Variants in KCTD20 observed in about 807,000 individuals in gnomAD.
The protein encoded by KCTD20 is potassium channel tetramerization domain containing 20, also known as BTB/POZ domain-containing protein KCTD20.
Under a neutral mutation model 39.6 loss-of-function variants are expected in KCTD20, and 30 were observed. That is an observed-to-expected ratio of 0.76 (90% CI 0.57 to 1.03). The LOEUF (loss-of-function observed/expected upper bound fraction) is 1.03. Among genes scored for constraint, KCTD20 ranks in the 50% least tolerant of loss-of-function variants. KCTD20 has a pLI of 0.00. For missense variants in KCTD20, 422 were observed against 522.0 expected, an observed-to-expected ratio of 0.81 and a Z score of 1.87; for synonymous variants, 162 against 180.6, an observed-to-expected ratio of 0.90 and a Z score of 0.83.
Position 36,470,103 on chromosome 6 carries a change from T to C in KCTD20, c.6T>C (p.Asn2=). 1.2e-6 allele frequency: 2 copies of C among 1,612,562 alleles called. No homozygotes were observed. The highest frequency in any genetic ancestry group is 1.7e-6 in the Non-Finnish European group (2 of 1,178,990). M[N]VHRGSDSDRL... is the part of the protein sequence containing the mutation. ...TCAGGACTCAGAATCTAAGGATGAA[T>C]GTTCACCGTGGCAGTGACAGTGACA... The change falls in exon 2 of 8, where the codon AAT becomes AAC. Residue 2 remains asparagine, a synonymous_variant. Transcript: ENST00000373731.
chr6:36,474,859 C>CTGT lies in KCTD20; in HGVS notation c.231_232insTGT (p.Asp77_Ile78insCys). On this transcript the variant is annotated inframe_insertion, in exon 3 of 8. Coordinates refer to ENST00000373731, the MANE Select transcript of KCTD20 (RefSeq NM_173562.5). Reference sequence around the variant, plus strand: ...CTCACATAATGCCCCTTGCTGAAGACATCAAAGGTTCTTGCTTCCAAAGTG... The same window carrying CTGT: ...CTCACATAATGCCCCTTGCTGAAGACTGTATCAAAGGTTCTTGCTTCCAAAGTG... 6.2e-7 allele frequency: 1 copy of CTGT among 1,614,170 alleles called. No individual in the cohort carries two copies. Among genetic ancestry groups the CTGT allele is most frequent in the Non-Finnish European group, 8.5e-7 (1 of 1,180,008 alleles).
At position 36,456,008 on chromosome 6, in the gene KCTD20, C is replaced by T. The variant is rs192458150; in HGVS notation, c.-47+12897C>T. On this transcript the variant is annotated intron_variant, in intron 1 of 7. Transcript: ENST00000373731. Reference sequence around the variant, plus strand: ...CCATCACATCTTCTCTGTAGGAATTCACTTCTTGAGTCTTGGCCACTTCAC... The same window carrying T: ...CCATCACATCTTCTCTGTAGGAATTTACTTCTTGAGTCTTGGCCACTTCAC... Among the ~76,000 whole-genome samples the T allele has an allele frequency of 3.1e-3, 479 of 152,340 alleles. 2 individuals are homozygous for T. The highest frequency in any genetic ancestry group is 0.011 in the African/African-American group (437 of 41,566).
intron 1 of KCTD20, among the ~76,000 whole-genome samples, chr6:36,459,385 A>G (rs1775537632): frequency 6.6e-6 from 1 of 152,266 alleles, no homozygotes; most frequent in Non-Finnish European, 1.5e-5. Flanking sequence ...ACTATATACC[A>G]TAATTTTTCA....
intron 1 of KCTD20, among the ~76,000 whole-genome samples, chr6:36,466,042 A>G (rs1775742382): frequency 6.6e-6 from 1 of 151,920 alleles, no homozygotes. Context: ...AGCAATAGAG[A>G]ATTATATTGT....
chr6:36,467,471 T>G (rs917245435), intron 1 of KCTD20, among the ~76,000 whole-genome samples: 23 of 148,032 alleles, frequency 1.6e-4, no homozygotes, highest in African/African-American at 5.7e-4. Flanking sequence ...CCCGAGTAGC[T>G]GGGACTACAG....
chr6:36,482,931 G>A (rs551940771), intron 6 of KCTD20, among the ~76,000 whole-genome samples: 2 of 133,810 alleles, frequency 1.5e-5, no homozygotes, highest in South Asian at 4.6e-4. Flanking sequence ...GAGTGACAGA[G>A]CAAGACTACG....
chr6:36,453,841 C>T (rs1262651380), intron 1 of KCTD20, among the ~76,000 whole-genome samples: 1 of 152,120 alleles, frequency 6.6e-6, no homozygotes, highest in African/African-American at 2.4e-5. Flanking sequence ...ATAAATTTTC[C>T]TTTGTGCCTG....
chr6:36,455,690 A>C (rs1158696596), intron 1 of KCTD20, among the ~76,000 whole-genome samples: 1 of 152,184 alleles, frequency 6.6e-6, no homozygotes, highest in Non-Finnish European at 1.5e-5. Context: ...CTAGCTAGGC[A>C]AGTCTGAAAC....
At chr6:36,466,846 T>G (rs1313201842) in intron 1 of KCTD20, among the ~76,000 whole-genome samples, 1 of 152,196 alleles carries the variant, frequency 6.6e-6, no homozygotes, top group Non-Finnish European at 1.5e-5. Context: ...CTATTATATT[T>G]AAACTGCCTG....
At chr6:36,486,793 G>A (rs1776434459) in intron 7 of KCTD20, 90 bp from the exon 8 acceptor site, 2 of 1,057,374 alleles carry the variant, frequency 1.9e-6, no homozygotes, top group Middle Eastern at 2.3e-4. Flanking sequence ...GTGATTTTGG[G>A]AGAAAACTGA....
intron 2 of KCTD20, among the ~76,000 whole-genome samples, chr6:36,472,108 A>G (rs1775929155): frequency 6.6e-6 from 1 of 152,182 alleles, no homozygotes; most frequent in Non-Finnish European, 1.5e-5. Flanking sequence ...TCGGCCTTCC[A>G]AAGTGCTGGG....
At chr6:36,479,758 C>G (rs372547999) in intron 5 of KCTD20, 47 bp downstream of exon 5, 1 of 822,752 alleles carries the variant, frequency 1.2e-6, no homozygotes, top group East Asian at 3.6e-5. Flanking sequence ...GCTGAACTTT[C>G]AGTTTTCTTG....
rs1174829948 is a variant in KCTD20 at position 36,481,692 on chromosome 6, G to A, written c.789G>A (p.Leu263=). The A allele has an allele frequency of 1.2e-6, 2 of 1,614,112 alleles. No individual in the cohort carries two copies. Among genetic ancestry groups the A allele is most frequent in the Non-Finnish European group, 8.5e-7 (1 of 1,180,042 alleles). ...AACGAGAGTGCCACATTGTTGTGCT[G>A]ACGGATGAGGATTCTGTGGACTGGG... is the stretch of plus-strand genomic sequence containing the variant. ...KGERECHIVV[L]TDEDSVDWDE... Residue 263 remains leucine, a synonymous_variant, in exon 6 of 8, where the codon CTG becomes CTA. Transcript: ENST00000373731.
Position 36,484,745 on chromosome 6 carries a change from C to T in KCTD20, c.888C>T (p.Phe296=). ...ATAGCTCCAAGCTCTACAGATTCTT[C>T]AAATATATTGAGAATAGGGATGTTG... ...ILYSSKLYRF[F]KYIENRDVAK... Residue 296 remains phenylalanine (F), a synonymous_variant, in exon 7 of 8, where the codon TTC becomes TTT. Transcript: ENST00000373731. 6.2e-7 allele frequency: 1 copy of T among 1,600,110 alleles called. No individual in the cohort carries two copies. The highest frequency in any genetic ancestry group is 8.5e-7 in the Non-Finnish European group (1 of 1,171,904).
chr6:36,467,318 A>ATTTTTTT (rs775332647), intron 1 of KCTD20, among the ~76,000 whole-genome samples: 1 of 29,850 alleles, frequency 3.4e-5, no homozygotes, highest in African/African-American at 1.3e-4. Flanking sequence ...ATCCTTCAGG[A>ATTTTTTT]TTTTTTTTTT....
chr6:36,478,514 A>G (rs1776140959), intron 3 of KCTD20, among the ~76,000 whole-genome samples: 1 of 152,268 alleles, frequency 6.6e-6, no homozygotes, highest in African/African-American at 2.4e-5. Flanking sequence ...TGATCTGAAA[A>G]TCCCATCATT....
At chr6:36,479,937 T>C (rs777652529) in intron 5 of KCTD20, among the ~76,000 whole-genome samples, 3 of 151,918 alleles carry the variant, frequency 2.0e-5, no homozygotes, top group African/African-American at 7.3e-5. Context: ...GGATTACACA[T>C]ACCTGCCACC....
chr6:36,464,057 T>C (rs988018073), intron 1 of KCTD20, among the ~76,000 whole-genome samples: 1 of 152,026 alleles, frequency 6.6e-6, no homozygotes, highest in Non-Finnish European at 1.5e-5. Flanking sequence ...ACAGAACATA[T>C]AGAGAAAAAA....
At chr6:36,483,459 C>T (rs906822632) in intron 6 of KCTD20, among the ~76,000 whole-genome samples, 3 of 151,956 alleles carry the variant, frequency 2.0e-5, no homozygotes, top group South Asian at 4.1e-4. Flanking sequence ...ATGATCCACC[C>T]GCCTCAGCCT....
Sources: allele counts gnomAD v4.1 joint callset (sites outside exome capture counted in the v4.1 genomes callset), GRCh38; gene constraint gnomAD v4.1.1; transcripts MANE v1.5; gene names NCBI Gene and HGNC (gene_info 2026-07-23, HGNC 2026-07-21).